The following OSBPL10 variants were observed in gnomAD, a reference collection of about 807,000 sequenced individuals.
OSBPL10 encodes oxysterol binding protein like 10, also known as oxysterol-binding protein-related protein 10.
A neutral mutation model predicts 81.7 loss-of-function variants in OSBPL10; 49 were observed. That is an observed-to-expected ratio of 0.60 (90% CI 0.48 to 0.76). OSBPL10 has a LOEUF of 0.76. OSBPL10 is among the 30% of genes least tolerant of loss of function. The probability of loss-of-function intolerance (pLI) is 0.00; values close to 1 mark genes in which losing one functional copy is unlikely to be tolerated. For missense variants in OSBPL10, 923 were observed against 987.8 expected (o/e 0.93, Z 0.88); for synonymous variants, 419 against 383.6 (o/e 1.09, Z -1.08).
At chr3:31,672,504 C>A (rs1700350735) in intron 8 of OSBPL10, among the ~76,000 whole-genome samples, 1 of 151,716 alleles carries the variant, frequency 6.6e-6, no homozygotes, top group South Asian at 2.1e-4. Flanking sequence ...CCAGGGGAGT[C>A]TGAGGAGAGA....
intron 2 of OSBPL10, among the ~76,000 whole-genome samples, chr3:32,016,935 G>GCTATTATC (rs1699317993): frequency 6.6e-6 from 1 of 152,156 alleles, no homozygotes; most frequent in Non-Finnish European, 1.5e-5. Context: ...ATTCTTGGTA[G>GCTATTATC]CTATTATCTT....
rs189836253 is a variant in OSBPL10 at position 31,747,894 on chromosome 3, C to T, written c.940+16G>A. On this transcript the variant is annotated intron_variant, in intron 5 of 11. Transcript: ENST00000396556. ...TGTACTCATCCCAAACATGGACAAG[C>T]CCCCGGGGGTCTTACCCGAGGCTCC... 38 of 1,611,580 alleles carry T rather than the reference C, an allele frequency of 2.4e-5. No homozygotes were observed. The highest frequency in any genetic ancestry group is 8.9e-5 in the East Asian group (4 of 44,862).
chr3:32,041,369 T>C (rs1260689842), intron 2 of OSBPL10, among the ~76,000 whole-genome samples: 1 of 152,200 alleles, frequency 6.6e-6, no homozygotes, highest in African/African-American at 2.4e-5. Context: ...CACATGGTGG[T>C]TCCAGTCTAC....
intron 4 of OSBPL10, among the ~76,000 whole-genome samples, chr3:31,770,637 T>C (rs1698352733): frequency 6.6e-6 from 1 of 152,052 alleles, no homozygotes; most frequent in African/African-American, 2.4e-5. Flanking sequence ...AAATACAAAA[T>C]TAGCCGGGCA....
At chr3:31,759,557 T>C (rs1431941722) in intron 4 of OSBPL10, among the ~76,000 whole-genome samples, 2 of 152,148 alleles carry the variant, frequency 1.3e-5, no homozygotes, top group African/African-American at 4.8e-5. Context: ...CAAATGTACT[T>C]ACAGAATTTT....
At chr3:31,851,272 T>C (rs931107959) in intron 3 of OSBPL10, among the ~76,000 whole-genome samples, 2 of 152,206 alleles carry the variant, frequency 1.3e-5, no homozygotes, top group African/African-American at 4.8e-5. Flanking sequence ...TGGAAGTCTG[T>C]GTCGAGAAGT....
rs181132548 is a variant in OSBPL10, at chr3:31,958,065, G to C, written c.281+22834C>G. Among the ~76,000 whole-genome samples, 100 of 152,308 alleles carry C rather than the reference G, an allele frequency of 6.6e-4. 1 individual carries two copies. Among genetic ancestry groups the C allele is most frequent in the Admixed American group, 3.8e-3 (58 of 15,302 alleles). On this transcript the variant is annotated intron_variant, in intron 1 of 11. Transcript: ENST00000396556. The stretch of plus-strand genomic sequence containing the variant: ...GAAGGAAGAAAAAAATTAAACGTGT[G>C]CTATGTCTTAGCCTTTGTAGCCATT...
chr3:31,940,318 A>G (rs1351305180), intron 1 of OSBPL10, among the ~76,000 whole-genome samples: 1 of 152,256 alleles, frequency 6.6e-6, no homozygotes, highest in Non-Finnish European at 1.5e-5. Context: ...AGAGCCAGAC[A>G]TGGCAGAACA....
intron 3 of OSBPL10, among the ~76,000 whole-genome samples, chr3:31,834,449 T>C (rs575231140): frequency 2.3e-4 from 35 of 152,312 alleles, no homozygotes; most frequent in Admixed American, 1.3e-3. Context: ...TGGCTGATGA[T>C]GCGGGACAGC....
At chr3:32,065,965 A>C (rs1699774350) in intron 1 of OSBPL10, among the ~76,000 whole-genome samples, 1 of 58,020 alleles carries the variant, frequency 1.7e-5, no homozygotes, top group African/African-American at 3.9e-5. Flanking sequence ...GAAAGAAAGA[A>C]AGAAAGAAAG....
intron 4 of OSBPL10, among the ~76,000 whole-genome samples, chr3:31,756,330 G>A (rs918787996): frequency 3.3e-5 from 5 of 152,074 alleles, no homozygotes; most frequent in South Asian, 4.1e-4. Flanking sequence ...CCTTTCCACT[G>A]TCCCTCAGCC....
At chr3:31,789,540 T>G (rs1409209170) in intron 4 of OSBPL10, among the ~76,000 whole-genome samples, 2 of 152,296 alleles carry the variant, frequency 1.3e-5, no homozygotes, top group African/African-American at 4.8e-5. Flanking sequence ...GACTCAGAAC[T>G]CGGCATGTGC....
chr3:31,670,471 G>T (rs1442796012), intron 9 of OSBPL10, among the ~76,000 whole-genome samples: 1 of 152,134 alleles, frequency 6.6e-6, no homozygotes, highest in South Asian at 2.1e-4. Context: ...GCTATGTCTG[G>T]GTTCATAGAT....
At chr3:31,807,487 C>T (rs1699550026) in intron 4 of OSBPL10, among the ~76,000 whole-genome samples, 1 of 151,136 alleles carries the variant, frequency 6.6e-6, no homozygotes, top group Non-Finnish European at 1.5e-5. Flanking sequence ...AAGATGAGGG[C>T]ATGGCATGGT....
At position 31,990,119 on chromosome 3, in the gene OSBPL10, G is replaced by A. The variant is rs757753989; in HGVS notation, n.298+56372C>T. ...GAGAAACCATACAAATGTAAGGTTTGTGAAAAGGCTTTCAGGCGTGATTCA... is the reference window on the plus strand; with the variant it reads ...GAGAAACCATACAAATGTAAGGTTTATGAAAAGGCTTTCAGGCGTGATTCA... On this transcript the variant is annotated intron_variant and non_coding_transcript_variant, in intron 2 of 3. Coordinates refer to the OSBPL10 transcript ENST00000479173. The A allele has an allele frequency of 2.5e-6, 4 of 1,611,636 alleles. No homozygotes were observed. The South Asian group carries it at 4.4e-5, about 18-fold the overall frequency.
At chr3:32,055,255 G>A (rs1221137237) in intron 1 of OSBPL10, among the ~76,000 whole-genome samples, 2 of 121,044 alleles carry the variant, frequency 1.7e-5, no homozygotes, top group Non-Finnish European at 3.2e-5. Flanking sequence ...CCAGGCTGGA[G>A]TGCAGTGGCG....
intron 4 of OSBPL10, among the ~76,000 whole-genome samples, chr3:31,808,696 G>A (rs903694330): frequency 2.6e-5 from 4 of 152,314 alleles, no homozygotes; most frequent in Non-Finnish European, 5.9e-5. Flanking sequence ...ATTCCTTTCC[G>A]ATATTCCTAA....
At chr3:31,747,385 G>A (rs1224478687) in intron 5 of OSBPL10, among the ~76,000 whole-genome samples, 2 of 147,358 alleles carry the variant, frequency 1.4e-5, no homozygotes, top group Non-Finnish European at 3.0e-5. Context: ...GACCCATAGG[G>A]TTTCTTTACT....
At chr3:31,808,865 G>A (rs1056426793) in intron 4 of OSBPL10, among the ~76,000 whole-genome samples, 5 of 152,172 alleles carry the variant, frequency 3.3e-5, no homozygotes, top group African/African-American at 4.8e-5. Context: ...TGTACTCCCA[G>A]AACTGGAATC....
Sources: allele counts gnomAD v4.1 joint callset (sites outside exome capture counted in the v4.1 genomes callset), GRCh38; gene constraint gnomAD v4.1.1; transcripts MANE v1.5; gene names NCBI Gene and HGNC (gene_info 2026-07-23, HGNC 2026-07-21).